RFX2: variants seen among roughly 807,000 people sequenced by gnomAD.
RFX2 encodes the protein regulatory factor X2.
RFX2 carries 20 observed loss-of-function variants against 87.8 expected under a neutral mutation model. The ratio of observed to expected loss-of-function variants is 0.23; its 90% CI spans 0.16 to 0.33. The LOEUF is 0.33. RFX2 is among the 10% of genes least tolerant of loss of function. The pLI is 1.00. For missense variants in RFX2, 767 were observed against 1,012.3 expected, an observed-to-expected ratio of 0.76 and a Z score of 3.29; for synonymous variants, 397 against 431.3, an observed-to-expected ratio of 0.92 and a Z score of 0.98.
intron 5 of RFX2, among the ~76,000 whole-genome samples, chr19:6,034,593 C>T (rs572153087): frequency 5.9e-5 from 9 of 152,214 alleles, no homozygotes; most frequent in Non-Finnish European, 1.0e-4. Flanking sequence ...AACTCCCGGG[C>T]TCAGGTGATC....
rs1158768405 is a variant in RFX2 at position 6,012,673 on chromosome 19, G to T, written c.899+313C>A. ...AGAGGCGGTGGGGAGCGGGGCTGGG[G>T]GTGTAGAACAACTCTCTGTACTTTC... On this transcript the variant is annotated intron_variant, in intron 8 of 17. Coordinates refer to ENST00000303657, the MANE Select transcript of RFX2 (RefSeq NM_000635.4). This position sits in a 1 kb window ranked among gnomAD's most constrained non-coding sequence, Gnocchi z 4.6. 6.6e-6 allele frequency among the ~76,000 whole-genome samples: 1 copy of T among 151,954 alleles called. No individual in the cohort carries two copies. The highest frequency in any genetic ancestry group is 1.5e-5 in the Non-Finnish European group (1 of 68,000).
chr19:6,031,423 C>CCT (rs2086951622), intron 5 of RFX2, among the ~76,000 whole-genome samples: 1 of 90,186 alleles, frequency 1.1e-5, no homozygotes, highest in African/African-American at 4.2e-5. Context: ...TTCTCCTTCC[C>CCT]TTTTTTTTTT....
chr19:6,008,318 A>G, intron 9 of RFX2, 94 bp from the exon 10 acceptor site: 1 of 646,508 alleles, frequency 1.5e-6, no homozygotes, highest in Non-Finnish European at 2.6e-6. Context: ...CCAGAAACAG[A>G]TGTTCTGCCC....
intron 1 of RFX2, among the ~76,000 whole-genome samples, chr19:6,073,816 G>A (rs1465582577): frequency 1.3e-5 from 2 of 152,128 alleles, no homozygotes; most frequent in Non-Finnish European, 2.9e-5. Flanking sequence ...CCAGTAATTT[G>A]GGCTAAGCGC....
At chr19:6,103,135 A>C (rs1250195693) in intron 1 of RFX2, among the ~76,000 whole-genome samples, 2 of 152,230 alleles carry the variant, frequency 1.3e-5, no homozygotes, top group African/African-American at 4.8e-5. Context: ...GGACCATTAC[A>C]TGTAAGTTCT....
intron 1 of RFX2, chr19:6,057,048 G>A (rs1208201716): frequency 6.6e-6 from 1 of 152,198 alleles, no homozygotes; most frequent in African/African-American, 2.4e-5. Flanking sequence ...GAAATAAAGG[G>A]GAAAAGCACA....
rs77936073 is a variant in RFX2 at position 6,026,933 on chromosome 19, C to A, written c.523-696G>T. ...GGAGGAAGGGGCTTTTGAGTTGGAT[C>A]CTGAAGGACCTGATGGAGGTGGGGA... On this transcript the variant is annotated intron_variant, in intron 5 of 17. Coordinates refer to ENST00000303657, the MANE Select transcript of RFX2 (RefSeq NM_000635.4). This position sits in a 1 kb window ranked among gnomAD's most constrained non-coding sequence, Gnocchi z 4.5. Among the ~76,000 whole-genome samples, 662 of 152,240 alleles carry A rather than the reference C, an allele frequency of 4.3e-3. 6 individuals are homozygous for A. The East Asian group carries it at 0.07, about 16-fold the overall frequency.
At chr19:6,070,109 T>G (rs2087578999) in intron 1 of RFX2, among the ~76,000 whole-genome samples, 1 of 60,622 alleles carries the variant, frequency 1.6e-5, no homozygotes, top group Non-Finnish European at 3.3e-5. Flanking sequence ...TGGGATGGGA[T>G]GGGATGGGAT....
At chr19:6,080,970 A>G (rs2087772855) in intron 1 of RFX2, among the ~76,000 whole-genome samples, 1 of 150,834 alleles carries the variant, frequency 6.6e-6, no homozygotes, top group African/African-American at 2.4e-5. Context: ...TGGGAGGTGA[A>G]GGTTGCAGTG....
chr19:6,084,698 G>C (rs765998102), intron 1 of RFX2, among the ~76,000 whole-genome samples: 2 of 150,326 alleles, frequency 1.3e-5, no homozygotes, highest in African/African-American at 5.0e-5. Context: ...GCAGTGGTGC[G>C]ATCTTGGCTC....
rs117326877 is a variant in RFX2 at position 5,999,590 on chromosome 19, A to G, written c.1859+2225T>C. ...TGTGCTAGGTCCATGGCAGAGCCGC[A>G]TAGTCTATTAGGCGTGTGGTTCCTC... On this transcript the variant is annotated intron_variant, in intron 15 of 17. Transcript: ENST00000303657. This position sits in a 1 kb window ranked among gnomAD's most constrained non-coding sequence, Gnocchi z 4.1. Among the ~76,000 whole-genome samples the G allele has an allele frequency of 1.5e-4, 23 of 152,170 alleles. No individual in the cohort carries two copies. In the East Asian group the frequency reaches 4.3e-3, roughly 28 times the overall value.
rs548077675 is a variant in RFX2, at chr19:5,996,473, T to A, written c.2013+587A>T. On this transcript the variant is annotated intron_variant, in intron 16 of 17. Transcript: ENST00000303657. ...ACACAAAAGGCCACACAGTGTGTGA[T>A]CCCATTTCTATGAAGTGTCCAGGAC... 2.6e-5 allele frequency among the ~76,000 whole-genome samples: 4 copies of A among 152,314 alleles called. No homozygotes were observed. The South Asian group carries it at 8.3e-4, about 32-fold the overall frequency.
intron 1 of RFX2, among the ~76,000 whole-genome samples, chr19:6,080,297 C>A (rs1295787746): frequency 2.6e-5 from 4 of 151,806 alleles, no homozygotes. Context: ...CTTTGTTGCC[C>A]AGGCTGGTTT....
intron 1 of RFX2, among the ~76,000 whole-genome samples, chr19:6,086,636 G>A (rs76428705): frequency 0.023 from 3,461 of 152,290 alleles, 140 homozygotes; most frequent in African/African-American, 0.079. Context: ...TAATCTTGCC[G>A]GAAAGGGCAC....
At chr19:6,028,004 CGCCCACCTCGGCCTCCCA>C (rs2086911958) in intron 5 of RFX2, among the ~76,000 whole-genome samples, 1 of 152,108 alleles carries the variant, frequency 6.6e-6, no homozygotes, top group Admixed American at 6.6e-5. Flanking sequence ...TCAAGTGATC[CGCCCACCTCGGCCTCCCA>C]AAGTTCTGGG....
rs559127351 is a variant in RFX2, at chr19:6,040,913, C to T, written c.261-672G>A. Among the ~76,000 whole-genome samples the T allele has an allele frequency of 1.1e-4, 17 of 152,228 alleles. No homozygotes were observed. Among genetic ancestry groups the T allele is most frequent in the Admixed American group, 5.2e-4 (8 of 15,284 alleles). On this transcript the variant is annotated intron_variant, in intron 4 of 17. Transcript: ENST00000303657. This position sits in a 1 kb window ranked among gnomAD's most constrained non-coding sequence, Gnocchi z 6.1. ...GGCTAAAAATGCAAAGAAATAGACA[C>T]GCACGCACATGCAAGGGTACACACA...
chr19:6,064,437 C>T lies in RFX2; in HGVS notation c.-8-16933G>A, dbSNP rs996384597. ...AATGTGCCAGTGAAAACCTGGCATG[C>T]GGAGGCCTCACCTCACTCACCCTCT... is the stretch of plus-strand genomic sequence containing the variant. On this transcript the variant is annotated intron_variant, in intron 1 of 17. Transcript: ENST00000303657. This position sits in a 1 kb window ranked among gnomAD's most constrained non-coding sequence, Gnocchi z 4.8. Among the ~76,000 whole-genome samples, 2 of 152,232 alleles carry T rather than the reference C, an allele frequency of 1.3e-5. No individual in the cohort carries two copies. The highest frequency in any genetic ancestry group is 2.9e-5 in the Non-Finnish European group (2 of 68,044).
rs1316762229 is a variant in RFX2 at position 6,047,361 on chromosome 19, C to T, written c.90+46G>A. ...GCAGCTTTCAAACCCATAGAGATCGCGTCCACACTGTGGCCACCCTGTTGT... is the reference window on the plus strand; with the variant it reads ...GCAGCTTTCAAACCCATAGAGATCGTGTCCACACTGTGGCCACCCTGTTGT... On this transcript the variant is annotated intron_variant, in intron 2 of 17. Coordinates refer to ENST00000303657, the MANE Select transcript of RFX2 (RefSeq NM_000635.4). The surrounding 1 kb of genome is among the most constrained non-coding windows in gnomAD (Gnocchi z 4.2). 6 of 1,473,078 alleles carry T rather than the reference C, an allele frequency of 4.1e-6. No individual in the cohort carries two copies. Among genetic ancestry groups the T allele is most frequent in the Non-Finnish European group, 1.9e-6 (2 of 1,071,810 alleles). 91.3% of individuals were successfully genotyped at this position (1,473,078 alleles called of 1,614,324 possible). A position where few individuals can be genotyped will look rare whatever the true frequency, so the allele number is the denominator to read the frequency against.
chr19:6,008,939 C>T (rs1428227497), intron 9 of RFX2, among the ~76,000 whole-genome samples: 1 of 152,152 alleles, frequency 6.6e-6, no homozygotes, highest in African/African-American at 2.4e-5. Context: ...CTTGGCTTCT[C>T]AAAGTGCTGG....
Sources: allele counts gnomAD v4.1 joint callset (sites outside exome capture counted in the v4.1 genomes callset), GRCh38; gene constraint gnomAD v4.1.1; non-coding constraint Gnocchi (gnomAD v3.1); transcripts MANE v1.5; gene names NCBI Gene and HGNC (gene_info 2026-07-23, HGNC 2026-07-21).